The following SLC26A8 variants were observed in gnomAD, a reference collection of about 807,000 sequenced individuals.
SLC26A8 encodes testis anion transporter 1.
In SLC26A8, 70 loss-of-function variants were observed where a neutral mutation model predicts 105.0. The ratio of observed to expected loss-of-function variants is 0.67; its 90% confidence interval spans 0.55 to 0.81. The LOEUF (loss-of-function observed/expected upper bound fraction) is 0.81, where lower values mean the gene tolerates loss of function less well. SLC26A8 is among the 40% of genes least tolerant of loss of function. The probability of loss-of-function intolerance (pLI) is 0.00; values close to 1 mark genes in which losing one functional copy is unlikely to be tolerated. For synonymous variants in SLC26A8, 415 were observed against 438.3 expected, an observed-to-expected ratio of 0.95 and a Z score of 0.66; for missense variants, 998 against 1,181.8, an observed-to-expected ratio of 0.84 and a Z score of 2.28.
In SLC26A8 at chr6:36,012,261, T is replaced by G; in HGVS notation, c.300A>C (p.Ile100=). ...DWLLGDLLAG[I]SVGLVQVPQG... is the part of the protein sequence containing the mutation. Reference sequence around the variant, plus strand: ...GGGGAACTTGCACAAGGCCAACACTTATACCAGCAAGTAAGTCTCCCAGAA... The same window carrying G: ...GGGGAACTTGCACAAGGCCAACACTGATACCAGCAAGTAAGTCTCCCAGAA... Residue 100 remains isoleucine, a synonymous_variant, in exon 3 of 20, where the codon ATA becomes ATC. Coordinates refer to ENST00000490799, the MANE Select transcript of SLC26A8 (RefSeq NM_052961.4). 1 of 1,612,350 alleles carries G rather than the reference T, an allele frequency of 6.2e-7. No individual in the cohort carries two copies. The highest frequency in any genetic ancestry group is 1.3e-5 in the African/African-American group (1 of 74,900).
chr6:36,015,858 C>G (rs554702270), intron 2 of SLC26A8, among the ~76,000 whole-genome samples: 1 of 152,022 alleles, frequency 6.6e-6, no homozygotes, highest in African/African-American at 2.4e-5. Context: ...TTGTCACCAA[C>G]ATGCCAACAT....
At chr6:36,002,769 A>G (rs1201392191) in intron 3 of SLC26A8, among the ~76,000 whole-genome samples, 1 of 149,082 alleles carries the variant, frequency 6.7e-6, no homozygotes, top group East Asian at 2.0e-4. Context: ...TGCAGTGATG[A>G]TCTTGGCTTG....
At position 35,981,158 on chromosome 6, in the gene SLC26A8, C is replaced by G. The variant is rs1271338450; in HGVS notation, c.1025+963G>C. Among the ~76,000 whole-genome samples, 1 of 152,110 alleles carries G rather than the reference C, an allele frequency of 6.6e-6. No homozygotes were observed. The highest frequency in any genetic ancestry group is 1.5e-5 in the Non-Finnish European group (1 of 68,026). On this transcript the variant is annotated intron_variant, in intron 8 of 19. Coordinates refer to ENST00000490799, the MANE Select transcript of SLC26A8 (RefSeq NM_052961.4). The surrounding 1 kb of genome is among the most constrained non-coding windows in gnomAD (Gnocchi z 4.0). ...GAGTCAAGAAACTGCAGTATATTGC[C>G]TTTCTTAGCTAATGTGATTCATCTG...
intron 3 of SLC26A8, among the ~76,000 whole-genome samples, 167 bp downstream of exon 3, chr6:36,012,066 C>T (rs1306972808): frequency 6.6e-6 from 1 of 152,164 alleles, no homozygotes; most frequent in African/African-American, 2.4e-5. Flanking sequence ...TTTGGAACCA[C>T]CCTGGAGAGG....
chr6:35,956,044 C>A (rs1262093208), intron 16 of SLC26A8, among the ~76,000 whole-genome samples: 1 of 152,062 alleles, frequency 6.6e-6, no homozygotes, highest in Non-Finnish European at 1.5e-5. Context: ...AGTTTGAAAC[C>A]AGCCTGGGCA....
At chr6:35,985,100 A>G (rs1773441865) in intron 7 of SLC26A8, among the ~76,000 whole-genome samples, 1 of 152,168 alleles carries the variant, frequency 6.6e-6, no homozygotes, top group Non-Finnish European at 1.5e-5. Context: ...TCAATTACCA[A>G]TCAGAAAAAT....
chr6:36,019,508 G>A lies in SLC26A8; in HGVS notation c.188+12C>T. 6.2e-7 allele frequency: 1 copy of A among 1,609,284 alleles called. No individual in the cohort carries two copies. Among genetic ancestry groups the A allele is most frequent in the Non-Finnish European group, 8.5e-7 (1 of 1,177,840 alleles). Reference sequence around the variant, plus strand: ...CCGGCTCGGCAGCAGGTGAAAGATTGGACACACGCACCGGCACTGGACGTG... The same window carrying A: ...CCGGCTCGGCAGCAGGTGAAAGATTAGACACACGCACCGGCACTGGACGTG... On this transcript the variant is annotated intron_variant, in intron 2 of 19. Coordinates refer to ENST00000490799, the MANE Select transcript of SLC26A8 (RefSeq NM_052961.4).
chr6:36,019,472 T>C, intron 2 of SLC26A8, 48 bp downstream of exon 2: 2 of 1,571,992 alleles, frequency 1.3e-6, no homozygotes, highest in Non-Finnish European at 1.7e-6. Flanking sequence ...CAGGTTAGGT[T>C]TCAGTCCTGC....
intron 11 of SLC26A8, among the ~76,000 whole-genome samples, chr6:35,966,363 T>G (rs1274343777): frequency 6.6e-6 from 1 of 152,220 alleles, no homozygotes; most frequent in East Asian, 1.9e-4. Flanking sequence ...ATAGGGTTTT[T>G]GAAAGGTTTT....
At chr6:36,015,860 T>C (rs1486816154) in intron 2 of SLC26A8, among the ~76,000 whole-genome samples, 2 of 151,976 alleles carry the variant, frequency 1.3e-5, no homozygotes, top group African/African-American at 2.4e-5. Context: ...GTCACCAACA[T>C]GCCAACATAC....
chr6:35,977,882 C>G (rs994297449), intron 8 of SLC26A8, among the ~76,000 whole-genome samples: 6 of 151,974 alleles, frequency 3.9e-5, no homozygotes, highest in African/African-American at 1.5e-4. Context: ...GTCAGGAGTT[C>G]GAGATCAGCC....
chr6:35,996,186 G>A (rs1447026292), intron 5 of SLC26A8, among the ~76,000 whole-genome samples: 2 of 152,188 alleles, frequency 1.3e-5, no homozygotes, highest in Non-Finnish European at 2.9e-5. Context: ...ACAGCTCATA[G>A]TGTCAGGGCT....
intron 19 of SLC26A8, among the ~76,000 whole-genome samples, chr6:35,946,864 T>G (rs1007709650): frequency 6.6e-6 from 1 of 151,528 alleles, no homozygotes; most frequent in Non-Finnish European, 1.5e-5. Flanking sequence ...ATTTTTAGTT[T>G]TTTTTTTCAA....
At chr6:36,010,502 T>TGTG (rs1223267506) in intron 3 of SLC26A8, among the ~76,000 whole-genome samples, 4 of 151,716 alleles carry the variant, frequency 2.6e-5, no homozygotes, top group Admixed American at 2.0e-4. Flanking sequence ...CTGCATCAAT[T>TGTG]GTGGTGGTGG....
chr6:35,991,426 A>T lies in SLC26A8; in HGVS notation c.942+233T>A, dbSNP rs978632154. On this transcript the variant is annotated intron_variant, in intron 7 of 19. Transcript: ENST00000490799. ...CAAAAAAAAAAAAAAAAAAAACTTG[A>T]TTTAAACATTTCACTATGTATATCA... Among the ~76,000 whole-genome samples the T allele has an allele frequency of 7.6e-4, 115 of 150,704 alleles. 1 individual carries two copies. Among genetic ancestry groups the T allele is most frequent in the Middle Eastern group, 3.5e-3 (1 of 288 alleles).
chr6:35,966,395 G>A (rs1772518896), intron 11 of SLC26A8, among the ~76,000 whole-genome samples: 1 of 152,138 alleles, frequency 6.6e-6, no homozygotes, highest in Admixed American at 6.5e-5. Flanking sequence ...AGGGAGTATG[G>A]AGAGGAAACA....
Position 35,973,034 on chromosome 6 carries a change from C to T in SLC26A8, c.1287+2341G>A, listed in dbSNP as rs543551223. On this transcript the variant is annotated intron_variant, in intron 10 of 19. Coordinates refer to ENST00000490799, the MANE Select transcript of SLC26A8 (RefSeq NM_052961.4). Reference sequence around the variant, plus strand: ...TCCATGAAAGTCCCACTTCTGCCATCATTCTCCTTCTTGCAATATTTATGC... The same window carrying T: ...TCCATGAAAGTCCCACTTCTGCCATTATTCTCCTTCTTGCAATATTTATGC... Among the ~76,000 whole-genome samples, 28 of 152,334 alleles carry T rather than the reference C, an allele frequency of 1.8e-4. No homozygotes were observed. In the East Asian group the frequency reaches 4.4e-3, roughly 24 times the overall value.
chr6:36,005,485 T>C (rs1366676984), intron 3 of SLC26A8, among the ~76,000 whole-genome samples: 3 of 152,214 alleles, frequency 2.0e-5, no homozygotes, highest in Non-Finnish European at 4.4e-5. Context: ...AGAGTATTAA[T>C]AGATCAGTTA....
rs1027220805 is a variant in SLC26A8 at position 36,024,641 on chromosome 6, T to G, written c.-140A>C. Reference sequence around the variant, plus strand: ...TAGCCCGCGGGCGTTCCGGGCGGGCTGAGGAGATGAGAGTGGGGGAGGGGA... The same window carrying G: ...TAGCCCGCGGGCGTTCCGGGCGGGCGGAGGAGATGAGAGTGGGGGAGGGGA... On this transcript the variant is annotated 5_prime_UTR_variant, in exon 1 of 20. Coordinates refer to ENST00000490799, the MANE Select transcript of SLC26A8 (RefSeq NM_052961.4). 8.2e-5 allele frequency: 33 copies of G among 400,952 alleles called. No individual in the cohort carries two copies. The highest frequency in any genetic ancestry group is 1.5e-4 in the Non-Finnish European group (30 of 198,324). 24.8% of individuals were successfully genotyped at this position (400,952 alleles called of 1,614,324 possible).
Sources: allele counts gnomAD v4.1 joint callset (sites outside exome capture counted in the v4.1 genomes callset), GRCh38; gene constraint gnomAD v4.1.1; non-coding constraint Gnocchi (gnomAD v3.1); transcripts MANE v1.5; gene names NCBI Gene and HGNC (gene_info 2026-07-23, HGNC 2026-07-21).